Variants in FBN1 observed in about 807,000 individuals in gnomAD.
FBN1 encodes fibrillin 1, also known as fibrillin-1.
A neutral mutation model predicts 365.1 loss-of-function variants in FBN1; 29 were observed. The ratio of observed to expected loss-of-function variants is 0.08; its 90% confidence interval spans 0.06 to 0.11. FBN1 has a LOEUF of 0.11. FBN1 is among the 10% of genes least tolerant of loss of function. The pLI is 1.00. For missense variants in FBN1, 2,476 were observed against 3,703.2 expected, an observed-to-expected ratio of 0.67 and a Z score of 8.60; for synonymous variants, 1,210 against 1,270.5, an observed-to-expected ratio of 0.95 and a Z score of 1.01.
At chr15:48,468,850 C>T (rs1422719845) in intron 36 of FBN1, among the ~76,000 whole-genome samples, 4 of 150,370 alleles carry the variant, frequency 2.7e-5, no homozygotes, top group Non-Finnish European at 4.4e-5. Flanking sequence ...AGGCAGATCA[C>T]GAGGTCAGGA....
chr15:48,488,622 A>G, intron 25 of FBN1, 129 bp from the exon 26 acceptor site: 1 of 1,019,310 alleles, frequency 9.8e-7, no homozygotes, highest in Non-Finnish European at 1.5e-6. Context: ...ATACATTTCC[A>G]AGAATGTGTG....
chr15:48,620,496 C>T (rs1201415880), intron 2 of FBN1, among the ~76,000 whole-genome samples: 1 of 152,148 alleles, frequency 6.6e-6, no homozygotes, highest in Non-Finnish European at 1.5e-5. Context: ...CATCTAAATT[C>T]ATATGTTAAT....
At chr15:48,547,123 AC>A (rs2044099729) in intron 6 of FBN1, among the ~76,000 whole-genome samples, 1 of 152,020 alleles carries the variant, frequency 6.6e-6, no homozygotes, top group South Asian at 2.1e-4. Context: ...ATGTAATTAT[AC>A]CCTGACTTGT....
At chr15:48,558,959 G>A (rs1197214346) in intron 6 of FBN1, among the ~76,000 whole-genome samples, 1 of 152,178 alleles carries the variant, frequency 6.6e-6, no homozygotes, top group African/African-American at 2.4e-5. Flanking sequence ...AGCTGTTTCA[G>A]CTCTTTGGAT....
chr15:48,617,322 AC>A (rs555475030), intron 2 of FBN1, among the ~76,000 whole-genome samples: 3 of 151,952 alleles, frequency 2.0e-5, no homozygotes, highest in Non-Finnish European at 4.4e-5. Flanking sequence ...CTACAGGCAC[AC>A]ACCACTACAC....
chr15:48,633,922 A>G (rs1442000375), intron 2 of FBN1, among the ~76,000 whole-genome samples: 1 of 152,184 alleles, frequency 6.6e-6, no homozygotes, highest in Non-Finnish European at 1.5e-5. Flanking sequence ...CACCTTGAGC[A>G]CTTGTTCCTG....
intron 6 of FBN1, among the ~76,000 whole-genome samples, chr15:48,550,953 T>C (rs1370335809): frequency 6.7e-6 from 1 of 149,204 alleles, no homozygotes; most frequent in Non-Finnish European, 1.5e-5. Flanking sequence ...TAATAAGCAC[T>C]CAAGTATTTA....
chr15:48,425,560 G>T (rs2042972684), intron 59 of FBN1, 69 bp from the exon 60 acceptor site: 1 of 1,602,354 alleles, frequency 6.2e-7, no homozygotes, highest in Admixed American at 1.7e-5. Flanking sequence ...TTTCCACAGG[G>T]TCTAACGAAG....
intron 6 of FBN1, among the ~76,000 whole-genome samples, chr15:48,582,586 C>T (rs565103537): frequency 3.9e-5 from 6 of 152,254 alleles, no homozygotes; most frequent in African/African-American, 1.2e-4. Flanking sequence ...GTGGTGGCCA[C>T]GACTTGTCCA....
At chr15:48,640,944 A>G (rs972707705) in intron 2 of FBN1, 8 of 151,854 alleles carry the variant, frequency 5.3e-5, no homozygotes, top group African/African-American at 1.9e-4. Context: ...ATCACCATTT[A>G]GAGTTTAGCT....
At chr15:48,521,399 T>C (rs1221552795) in intron 9 of FBN1, among the ~76,000 whole-genome samples, 5 of 152,206 alleles carry the variant, frequency 3.3e-5, no homozygotes, top group Non-Finnish European at 5.9e-5. Flanking sequence ...TTTCCTTTTG[T>C]CTTAGGGCCC....
intron 6 of FBN1, among the ~76,000 whole-genome samples, chr15:48,579,074 C>T (rs1487705925): frequency 2.0e-5 from 3 of 150,784 alleles, no homozygotes; most frequent in Admixed American, 6.6e-5. Flanking sequence ...TGTTAAAGCT[C>T]GCAGACACTT....
At chr15:48,565,304 T>C (rs1173879136) in intron 6 of FBN1, among the ~76,000 whole-genome samples, 1 of 151,928 alleles carries the variant, frequency 6.6e-6, no homozygotes, top group African/African-American at 2.4e-5. Context: ...ATACTTGTGG[T>C]CTTTTCTAAT....
intron 2 of FBN1, among the ~76,000 whole-genome samples, chr15:48,637,366 T>C (rs1890112357): frequency 6.6e-6 from 1 of 152,202 alleles, no homozygotes; most frequent in Non-Finnish European, 1.5e-5. Context: ...GACATTTATA[T>C]TTCCACTAGT....
chr15:48,540,662 C>T (rs1419179859), intron 6 of FBN1, among the ~76,000 whole-genome samples: 4 of 152,036 alleles, frequency 2.6e-5, no homozygotes. Context: ...TATCCTACAT[C>T]TGAGACTAGA....
At chr15:48,426,770 A>T (rs536776519) in intron 58 of FBN1, among the ~76,000 whole-genome samples, 2 of 152,252 alleles carry the variant, frequency 1.3e-5, no homozygotes, top group Non-Finnish European at 2.9e-5. Flanking sequence ...TTATTGCTAC[A>T]TCCTCCAAAG....
At chr15:48,428,180 T>C in intron 57 of FBN1, 166 bp downstream of exon 57, 2 of 856,848 alleles carry the variant, frequency 2.3e-6, no homozygotes, top group Non-Finnish European at 3.8e-6. Context: ...AGGGTGGTGC[T>C]GAGCCCAATG....
At chr15:48,575,686 A>G (rs2044341179) in intron 6 of FBN1, among the ~76,000 whole-genome samples, 1 of 152,094 alleles carries the variant, frequency 6.6e-6, no homozygotes, top group Non-Finnish European at 1.5e-5. Context: ...AAGAGAAATC[A>G]TTATATTAAA....
intron 2 of FBN1, among the ~76,000 whole-genome samples, chr15:48,616,237 C>T (rs1566938839): frequency 1.3e-5 from 2 of 152,170 alleles, no homozygotes. Context: ...TTATCATTAA[C>T]AAGTAACATG....
Sources: gnomAD v4.1 joint callset for allele counts (sites outside exome capture counted in the v4.1 genomes callset) on GRCh38, gnomAD v4.1.1 for gene constraint, MANE v1.5 for transcripts, NCBI Gene and HGNC (gene_info 2026-07-23, HGNC 2026-07-21) for gene names.